Variants in GIGYF1 observed in about 807,000 individuals in gnomAD.
GIGYF1 encodes the protein GRB10 interacting GYF protein 1.
A neutral mutation model predicts 147.1 loss-of-function variants in GIGYF1; 84 were observed. The ratio of observed to expected loss-of-function variants is 0.57; its 90% confidence interval spans 0.48 to 0.68. The LOEUF is 0.68. Ranked by LOEUF, GIGYF1 falls within the 30% of genes least tolerant of loss-of-function variation. The probability of loss-of-function intolerance (pLI) is 0.00; values close to 1 mark genes in which losing one functional copy is unlikely to be tolerated. For synonymous variants in GIGYF1, 752 were observed against 589.5 expected (o/e 1.28, Z -3.99); for missense variants, 1,485 against 1,393.7 (o/e 1.07, Z -1.04).
chr7:100,682,346 G>A lies in GIGYF1; in HGVS notation c.2737C>T (p.Leu913=). ...CCGTCCAGGCTGCCCGTGGCGCTCA[G>A]CGTGTGCAGCATCTGCTCGCACCAC... is the stretch of plus-strand genomic sequence containing the variant. ...TQWCEQMLHT[L]SATGSLDVPM... is the part of the protein sequence containing the mutation. Residue 913 remains leucine (L), a synonymous_variant, in exon 24 of 27, where the codon CTG becomes TTG. Transcript: ENST00000678049. 1 of 1,613,050 alleles carries A rather than the reference G, an allele frequency of 6.2e-7. No homozygotes were observed. The highest frequency in any genetic ancestry group is 8.5e-7 in the Non-Finnish European group (1 of 1,179,912).
Position 100,682,079 on chromosome 7 carries a change from T to C in GIGYF1, c.2918A>G (p.Gln973Arg), listed in dbSNP as rs1162316819. The C allele has an allele frequency of 1.4e-5, 23 of 1,612,820 alleles. No individual in the cohort carries two copies. The highest frequency in any genetic ancestry group is 1.9e-5 in the Non-Finnish European group (23 of 1,179,714). ...TGGTGCCGGCTGCCTCACCTGCTGCTGCTGCCGCTGCTGGCTGGCTTTCTG... is the reference window on the plus strand; with the variant it reads ...TGGTGCCGGCTGCCTCACCTGCTGCCGCTGCCGCTGCTGGCTGGCTTTCTG... The part of the protein sequence containing the change: ...AKQKASQQRQ[Q>R]QQEAWLSSAS... Residue 973 changes from glutamine (Q) to arginine (R), a missense_variant, in exon 25 of 27, where the codon CAG becomes CGG. Physicochemically the swap from Gln to Arg is conservative, Grantham distance 43. Coordinates refer to ENST00000678049, the MANE Select transcript of GIGYF1 (RefSeq NM_001375765.1).
intron 13 of GIGYF1, 24 bp from the exon 14 acceptor site, chr7:100,685,170 G>A (rs370511704): frequency 5.8e-6 from 9 of 1,553,520 alleles, no homozygotes; most frequent in African/African-American, 5.4e-5. Flanking sequence ...GATAGGAGGT[G>A]GAAAGAAGGG....
At chr7:100,693,230 C>A (rs1349633562) in intron 1 of GIGYF1, among the ~76,000 whole-genome samples, 2 of 151,864 alleles carry the variant, frequency 1.3e-5, no homozygotes, top group African/African-American at 2.4e-5. Flanking sequence ...ACCGGGAATG[C>A]GAGTAATGAC....
chr7:100,690,588 C>T lies in GIGYF1; in HGVS notation c.-1098-1033G>A, dbSNP rs147053333. 3.9e-5 allele frequency among the ~76,000 whole-genome samples: 6 copies of T among 152,238 alleles called. No homozygotes were observed. The East Asian group carries it at 1.2e-3, about 29-fold the overall frequency. On this transcript the variant is annotated intron_variant, in intron 1 of 26. Coordinates refer to ENST00000678049, the MANE Select transcript of GIGYF1 (RefSeq NM_001375765.1). Reference sequence around the variant, plus strand: ...CCTGAGGTCAGGAGTTTGAGACCAGCCTGGCCAACGTGGCAAAACCCTGTC... The same window carrying T: ...CCTGAGGTCAGGAGTTTGAGACCAGTCTGGCCAACGTGGCAAAACCCTGTC...
At position 100,682,172 on chromosome 7, in the gene GIGYF1, C is replaced by G. The variant is rs770131363; in HGVS notation, c.2825G>C (p.Arg942Pro). 6.2e-7 allele frequency: 1 copy of G among 1,613,918 alleles called. No individual in the cohort carries two copies. The highest frequency in any genetic ancestry group is 1.1e-5 in the South Asian group (1 of 91,086). ...ESPYDVHDYI[R>P]SCLGDTLEAK... is the part of the protein sequence containing the mutation. ...TTCCAGCGTGTCCCCCAGGCAGGAA[C>G]GGATATAATCGTGGACATCATAGGG... The change falls in exon 25 of 27, where the codon CGT becomes CCT. Residue 942 changes from arginine to proline, a missense_variant. Arg to Pro is a moderately radical substitution (Grantham distance 103). Coordinates refer to ENST00000678049, the MANE Select transcript of GIGYF1 (RefSeq NM_001375765.1).
At chr7:100,686,942 C>T (rs1433953869) in intron 9 of GIGYF1, 64 bp downstream of exon 9, 1 of 1,607,336 alleles carries the variant, frequency 6.2e-7, no homozygotes, top group South Asian at 1.1e-5. Flanking sequence ...TAAGCACCCC[C>T]AGACTGGGCC....
rs1356612639 is a variant in GIGYF1 at position 100,688,758 on chromosome 7, T to C, written c.-301A>G. The C allele has an allele frequency of 3.0e-5, 9 of 303,654 alleles. No homozygotes were observed. The highest frequency in any genetic ancestry group is 4.4e-5 in the African/African-American group (2 of 45,808). The allele number at this position is 303,654 out of a possible 1,614,324, so 18.8% of individuals were successfully genotyped here. ...GGGGGAGGAGGGAGGGTTCAGGACA[T>C]GGCTCTGCCGGCAGCCCTGCCCTGC... On this transcript the variant is annotated 5_prime_UTR_variant, in exon 2 of 27. The change abolishes an upstream ATG in the 5' untranslated region. Transcript: ENST00000678049.
At position 100,685,977 on chromosome 7, in the gene GIGYF1, C is replaced by T. The variant is rs1377340142; in HGVS notation, c.1051G>A (p.Ala351Thr). ...CGCTGGGCACCCCGCGGCTCACCTG[C>T]CTCAGGCCCTTCCTCCTCTAGCCCT... ...SEGLEEEGPE[A>T]GGKELTPLPP... The change falls in exon 12 of 27, where the codon GCA becomes ACA. Residue 351 changes from alanine to threonine, a missense_variant. Transcript: ENST00000678049. 1 of 1,611,906 alleles carries T rather than the reference C, an allele frequency of 6.2e-7. No homozygotes were observed. Among genetic ancestry groups the T allele is most frequent in the South Asian group, 1.1e-5 (1 of 91,014 alleles).
chr7:100,693,577 C>T (rs221803), intron 1 of GIGYF1, among the ~76,000 whole-genome samples: 139,931 of 152,242 alleles, frequency 0.92, 64,492 homozygotes, highest in Middle Eastern at 0.99. Context: ...ACGCTTGGAC[C>T]TGGGGAACCG....
chr7:100,687,426 C>A lies in GIGYF1; in HGVS notation c.374-20G>T. 6.2e-7 allele frequency: 1 copy of A among 1,612,210 alleles called. No individual in the cohort carries two copies. Among genetic ancestry groups the A allele is most frequent in the Non-Finnish European group, 8.5e-7 (1 of 1,179,154 alleles). On this transcript the variant is annotated intron_variant, in intron 7 of 26. Coordinates refer to ENST00000678049, the MANE Select transcript of GIGYF1 (RefSeq NM_001375765.1). ...CGCGGCCTAGAGAAGAGGCCAGACG[C>A]ACAATGAAACCTGCTGCACGTTCTC... is the stretch of plus-strand genomic sequence containing the variant.
rs1448810900 is a variant in GIGYF1, at chr7:100,682,837, G to T, written c.2413-60C>A. 31 of 1,481,232 alleles carry T rather than the reference G, an allele frequency of 2.1e-5. No homozygotes were observed. In the East Asian group the frequency reaches 7.1e-4, roughly 34 times the overall value. The allele number at this position is 1,481,232 out of a possible 1,614,324, so 91.8% of individuals were successfully genotyped here. A position where few individuals can be genotyped will look rare whatever the true frequency, so the allele number is the denominator to read the frequency against. ...AAGGCACCCCAGAAAAGCGGATGGG[G>T]AGGCTTGTTTAGGTGGCAAAGGGAG... On this transcript the variant is annotated intron_variant, in intron 22 of 26. Transcript: ENST00000678049.
At chr7:100,682,852 G>A (rs1165898789) in intron 22 of GIGYF1, 75 bp from the exon 23 acceptor site, 7 of 1,424,664 alleles carry the variant, frequency 4.9e-6, no homozygotes, top group East Asian at 2.3e-5. Context: ...TTGTTTAGGT[G>A]GCAAAGGGAG....
Position 100,679,868 on chromosome 7 carries a change from T to G in GIGYF1, c.*1851A>C, listed in dbSNP as rs1463176288. On this transcript the variant is annotated 3_prime_UTR_variant, in exon 27 of 27. Transcript: ENST00000678049. ...TGGGCCCCCTAAGTCCAAAGTCTCT[T>G]TAGCTGGGGAGAAGAGACAGGAAGA... 1 of 152,510 alleles carries G rather than the reference T, an allele frequency of 6.6e-6. No homozygotes were observed. Among genetic ancestry groups the G allele is most frequent in the Non-Finnish European group, 1.5e-5 (1 of 68,028 alleles). The allele number at this position is 152,510 out of a possible 1,614,324, so 9.4% of individuals were successfully genotyped here.
Position 100,688,596 on chromosome 7 carries a change from C to A in GIGYF1, c.-139G>T. ...CACCCTTGGCCCGGGGCTCACCTGG[C>A]AGCCTGGCCCGGGAAGAAGGAGGGC... On this transcript the variant is annotated 5_prime_UTR_variant, in exon 2 of 27. Transcript: ENST00000678049. 1.9e-6 allele frequency: 1 copy of A among 522,756 alleles called. No individual in the cohort carries two copies. The highest frequency in any genetic ancestry group is 2.3e-5 in the Admixed American group (1 of 43,752). The allele number at this position is 522,756 out of a possible 1,614,324, so 32.4% of individuals were successfully genotyped here.
chr7:100,693,555 C>A (rs1228380797), intron 1 of GIGYF1, among the ~76,000 whole-genome samples: 1 of 152,156 alleles, frequency 6.6e-6, no homozygotes, highest in African/African-American at 2.4e-5. Flanking sequence ...CCATGTTGGC[C>A]AAAGTCGTGG....
chr7:100,692,529 C>T (rs1332743479), intron 1 of GIGYF1, among the ~76,000 whole-genome samples: 2 of 152,262 alleles, frequency 1.3e-5, no homozygotes, highest in Non-Finnish European at 2.9e-5. Context: ...AGACTTTCAA[C>T]ATCCTTCATC....
rs771298452 is a variant in GIGYF1, at chr7:100,682,461, C to T, written c.2622G>A (p.Ser874=). 8 of 1,612,710 alleles carry T rather than the reference C, an allele frequency of 5.0e-6. No homozygotes were observed. The highest frequency in any genetic ancestry group is 2.2e-5 in the East Asian group (1 of 44,884). ...CCGTCTTTTTGCGAATGGGCCGACC[C>T]GATAGGTGGCTGTATGAGTCACTGA... ...PSLSDSYSHL[S]GRPIRKKTEE... Residue 874 remains serine, a synonymous_variant, in exon 24 of 27, where the codon TCG becomes TCA. Transcript: ENST00000678049.
chr7:100,685,454 G>T lies in GIGYF1; in HGVS notation c.1082C>A (p.Pro361His). 1 of 1,598,486 alleles carries T rather than the reference G, an allele frequency of 6.3e-7. No homozygotes were observed. The highest frequency in any genetic ancestry group is 8.5e-7 in the Non-Finnish European group (1 of 1,176,402). The part of the protein sequence containing the change: ...AGGKELTPLP[P>H]QEEKSSSPSP... ...TGGGGAGCTGGACTTCTCCTCCTGA[G>T]GAGGCAGTGGGGTCAGCTCTTTCCC... The change falls in exon 13 of 27, where the codon CCT (proline) becomes CAT (histidine). Residue 361 changes from proline to histidine, a missense_variant. Physicochemically the swap from Pro to His is moderately conservative, Grantham distance 77. Coordinates refer to ENST00000678049, the MANE Select transcript of GIGYF1 (RefSeq NM_001375765.1).
In GIGYF1 at chr7:100,688,309, T is replaced by C; in HGVS notation, c.-69-2A>G. On this transcript the variant is annotated splice_acceptor_variant, in intron 3 of 26. Coordinates refer to ENST00000678049, the MANE Select transcript of GIGYF1 (RefSeq NM_001375765.1). LOFTEE classifies it low-confidence loss of function (5UTR_SPLICE). ...ACCTGGCGTTCACTGTCCAAACACC[T>C]GTGGGGGAACAGGGGCCATGAAGAA... The C allele has an allele frequency of 8.4e-7, 1 of 1,192,466 alleles. No individual in the cohort carries two copies. The highest frequency in any genetic ancestry group is 1.2e-6 in the Non-Finnish European group (1 of 810,358). The allele number at this position is 1,192,466 out of a possible 1,614,324, so 73.9% of individuals were successfully genotyped here.
Sources: gnomAD v4.1 joint callset for allele counts (sites outside exome capture counted in the v4.1 genomes callset) on GRCh38, gnomAD v4.1.1 for gene constraint, MANE v1.5 for transcripts, NCBI Gene and HGNC (gene_info 2026-07-23, HGNC 2026-07-21) for gene names.